SCARB1: variants seen among roughly 807,000 people sequenced by gnomAD.
The protein encoded by SCARB1 is CD36 and LIMPII analogous 1.
SCARB1 carries 30 observed loss-of-function variants against 57.2 expected under a neutral mutation model. The observed-to-expected ratio is 0.52, with a 90% CI of 0.39 to 0.71. The LOEUF (loss-of-function observed/expected upper bound fraction) is 0.71. Ranked by LOEUF, SCARB1 falls within the 30% of genes least tolerant of loss-of-function variation. The pLI is 0.00. For synonymous variants in SCARB1, 249 were observed against 268.3 expected (o/e 0.93, Z 0.70); for missense variants, 543 against 671.2 (o/e 0.81, Z 2.11).
intron 1 of SCARB1, among the ~76,000 whole-genome samples, chr12:124,824,319 T>TA (rs1951057633): frequency 6.6e-6 from 1 of 152,112 alleles, no homozygotes; most frequent in South Asian, 2.1e-4. Flanking sequence ...TGACCACACT[T>TA]ACGAAATGCC....
At chr12:124,783,801 AAAAAT>A (rs1416214996) in intron 11 of SCARB1, 1 of 152,222 alleles carries the variant, frequency 6.6e-6, no homozygotes, top group Non-Finnish European at 1.5e-5. Flanking sequence ...CAAAAAAAAT[AAAAAT>A]AAAAAAACAA....
intron 1 of SCARB1, among the ~76,000 whole-genome samples, chr12:124,824,304 G>T (rs1951057322): frequency 6.6e-6 from 1 of 152,196 alleles, no homozygotes; most frequent in African/African-American, 2.4e-5. Flanking sequence ...GCCACACTTA[G>T]TGTCTGACCA....
At chr12:124,829,677 G>C (rs949575669) in intron 1 of SCARB1, among the ~76,000 whole-genome samples, 7 of 152,202 alleles carry the variant, frequency 4.6e-5, no homozygotes, top group African/African-American at 1.7e-4. Context: ...GCCCACAAAA[G>C]TGAGCCCCTC....
chr12:124,798,361 C>T (rs1228707887), intron 8 of SCARB1, among the ~76,000 whole-genome samples: 1 of 151,494 alleles, frequency 6.6e-6, no homozygotes, highest in Non-Finnish European at 1.5e-5. Context: ...CAGGGAGCCA[C>T]GATCATGCCA....
intron 1 of SCARB1, among the ~76,000 whole-genome samples, chr12:124,855,827 C>T (rs1453378372): frequency 2.0e-5 from 3 of 152,208 alleles, no homozygotes; most frequent in African/African-American, 7.2e-5. Context: ...GAATCACCCT[C>T]TGGACACTAA....
chr12:124,812,600 C>T lies in SCARB1; in HGVS notation c.631-635G>A, dbSNP rs1375815643. Among the ~76,000 whole-genome samples, 2 of 152,214 alleles carry T rather than the reference C, an allele frequency of 1.3e-5. No individual in the cohort carries two copies. Among genetic ancestry groups the T allele is most frequent in the Non-Finnish European group, 2.9e-5 (2 of 68,040 alleles). On this transcript the variant is annotated intron_variant, in intron 4 of 12. Transcript: ENST00000261693. The surrounding 1 kb of genome is among the most constrained non-coding windows in gnomAD (Gnocchi z 4.3). ...CCATCGAGGTTCTTGATAGTGGGGC[C>T]CAGGCTTTGGTGCTCCGAGAGCATT...
chr12:124,849,142 G>T (rs1483995754), intron 1 of SCARB1, among the ~76,000 whole-genome samples: 1 of 152,198 alleles, frequency 6.6e-6, no homozygotes, highest in African/African-American at 2.4e-5. Context: ...TTTGAACCTG[G>T]GCTGCCTGCC....
At chr12:124,853,231 G>C (rs868488843) in intron 1 of SCARB1, among the ~76,000 whole-genome samples, 21 of 152,214 alleles carry the variant, frequency 1.4e-4, no homozygotes, top group African/African-American at 4.6e-4. Flanking sequence ...AGGACAGCAT[G>C]TGACACGTTG....
chr12:124,852,707 A>T (rs1952466434), intron 1 of SCARB1, among the ~76,000 whole-genome samples: 1 of 152,266 alleles, frequency 6.6e-6, no homozygotes, highest in Non-Finnish European at 1.5e-5. Flanking sequence ...TTCAGAGACT[A>T]TTAAGGGCTC....
chr12:124,821,411 T>C lies in SCARB1; in HGVS notation c.127-3704A>G, dbSNP rs1231675552. 8 of 985,226 alleles carry C rather than the reference T, an allele frequency of 8.1e-6. No homozygotes were observed. The Admixed American group carries it at 3.7e-4, about 45-fold the overall frequency. The allele number at this position is 985,226 out of a possible 1,614,324, so 61.0% of individuals were successfully genotyped here. On this transcript the variant is annotated intron_variant, in intron 1 of 12. Transcript: ENST00000261693. Reference sequence around the variant, plus strand: ...TTCCTCCTCCCCTGGCCGCTTGGCCTGGTTCTGAAGATGAATCAGGGCTAA... The same window carrying C: ...TTCCTCCTCCCCTGGCCGCTTGGCCCGGTTCTGAAGATGAATCAGGGCTAA...
intron 10 of SCARB1, among the ~76,000 whole-genome samples, chr12:124,786,719 T>C (rs184052375): frequency 1.0e-3 from 159 of 152,336 alleles, no homozygotes; most frequent in African/African-American, 2.9e-3. Flanking sequence ...GGCAGGGCCA[T>C]ATGATCGTGT....
At chr12:124,836,017 C>T (rs11057844) in intron 1 of SCARB1, among the ~76,000 whole-genome samples, 29,707 of 152,118 alleles carry the variant, frequency 0.2, 2,985 homozygotes, top group African/African-American at 0.23. Context: ...ACGATGAGAA[C>T]GTGGCATTCA....
chr12:124,812,484 G>A lies in SCARB1; in HGVS notation c.631-519C>T, dbSNP rs1950565238. 6.6e-6 allele frequency among the ~76,000 whole-genome samples: 1 copy of A among 152,206 alleles called. No individual in the cohort carries two copies. The highest frequency in any genetic ancestry group is 2.1e-4 in the South Asian group (1 of 4,828). On this transcript the variant is annotated intron_variant, in intron 4 of 12. Transcript: ENST00000261693. The surrounding 1 kb of genome is among the most constrained non-coding windows in gnomAD (Gnocchi z 4.3). ...GCCCCAGTCACCCACACTGGACGTG[G>A]AGTGCAAGCAAAGGAATAAGTCTTG...
At chr12:124,838,727 A>C (rs1259136914) in intron 1 of SCARB1, among the ~76,000 whole-genome samples, 1 of 150,628 alleles carries the variant, frequency 6.6e-6, no homozygotes, top group African/African-American at 2.4e-5. Flanking sequence ...AAACCCTGCC[A>C]CAGTTTTTAA....
intron 1 of SCARB1, among the ~76,000 whole-genome samples, chr12:124,851,564 G>T (rs1024371646): frequency 1.3e-5 from 2 of 150,902 alleles, no homozygotes; most frequent in African/African-American, 4.9e-5. Context: ...ACTCAGCCTC[G>T]CACAGTCCTG....
At chr12:124,805,945 CTG>C (rs1950308311) in intron 7 of SCARB1, among the ~76,000 whole-genome samples, 1 of 152,158 alleles carries the variant, frequency 6.6e-6, no homozygotes. Flanking sequence ...TGTTCTCTAT[CTG>C]TGCTATCCAA....
intron 1 of SCARB1, among the ~76,000 whole-genome samples, chr12:124,854,599 G>A (rs2135842042): frequency 6.6e-6 from 1 of 152,314 alleles, no homozygotes; most frequent in South Asian, 2.1e-4. Flanking sequence ...CAGAGGTGAT[G>A]GCGCCTCGGG....
intron 6 of SCARB1, 74 bp from the exon 7 acceptor site, chr12:124,808,001 C>G (rs1238860352): frequency 6.8e-7 from 1 of 1,463,888 alleles, no homozygotes; most frequent in Non-Finnish European, 9.5e-7. Context: ...AAAGGCTGCC[C>G]AGATCCAGCC....
chr12:124,817,751 G>C lies in SCARB1; in HGVS notation c.127-44C>G. 3.1e-6 allele frequency: 5 copies of C among 1,608,042 alleles called. No individual in the cohort carries two copies. The highest frequency in any genetic ancestry group is 4.3e-6 in the Non-Finnish European group (5 of 1,174,752). On this transcript the variant is annotated intron_variant, in intron 1 of 12. Transcript: ENST00000261693. This position sits in a 1 kb window ranked among gnomAD's most constrained non-coding sequence, Gnocchi z 4.8. ...GTACGCTTGTGAGGAGAGTGATGAGGGCCCCACGCCCCACCACAAGGCTCC... is the reference window on the plus strand; with the variant it reads ...GTACGCTTGTGAGGAGAGTGATGAGCGCCCCACGCCCCACCACAAGGCTCC...
Sources: allele counts gnomAD v4.1 joint callset (sites outside exome capture counted in the v4.1 genomes callset), GRCh38; gene constraint gnomAD v4.1.1; non-coding constraint Gnocchi (gnomAD v3.1); transcripts MANE v1.5; gene names NCBI Gene and HGNC (gene_info 2026-07-23, HGNC 2026-07-21).